Variants in PISD observed in about 807,000 individuals in gnomAD.
PISD encodes the protein phosphatidylserine decarboxylase, also known as phosphatidylserine decarboxylase proenzyme, mitochondrial.
PISD carries 31 observed loss-of-function variants against 43.5 expected under a neutral mutation model. The observed-to-expected ratio is 0.71, with a 90% CI of 0.54 to 0.96. PISD has a LOEUF of 0.96. Ranked by LOEUF, PISD falls within the 40% of genes least tolerant of loss-of-function variation. The probability of loss-of-function intolerance (pLI) is 0.00; values close to 1 mark genes in which losing one functional copy is unlikely to be tolerated. For missense variants in PISD, 523 were observed against 548.4 expected (o/e 0.95, Z 0.46); for synonymous variants, 259 against 228.7 (o/e 1.13, Z -1.20).
chr22:31,649,016 T>C (rs947105411), intron 2 of PISD, among the ~76,000 whole-genome samples: 1 of 152,050 alleles, frequency 6.6e-6, no homozygotes, highest in African/African-American at 2.4e-5. Context: ...GCACTGGTAT[T>C]CTCTCTCAAA....
Position 31,634,751 on chromosome 22 carries a change from T to C in PISD, c.322-12866A>G, listed in dbSNP as rs1870284358. The stretch of plus-strand genomic sequence containing the variant: ...TACTCGGGAGGCTGAGGTGGGAGAA[T>C]CGCTTGAACCTAGGAAGCAGAGGTT... On this transcript the variant is annotated intron_variant, in intron 3 of 7. Transcript: ENST00000439502. Among the ~76,000 whole-genome samples, 6 of 141,166 alleles carry C rather than the reference T, an allele frequency of 4.3e-5. No individual in the cohort carries two copies. In the South Asian group the frequency reaches 1.3e-3, roughly 31 times the overall value. The allele number at this position is 141,166 out of a possible 152,430, so 92.6% of individuals were successfully genotyped here. A position where few individuals can be genotyped will look rare whatever the true frequency, so the allele number is the denominator to read the frequency against.
At chr22:31,621,922 C>G (rs200830751) in intron 3 of PISD, 37 bp from the exon 4 acceptor site, 6 of 1,480,594 alleles carry the variant, frequency 4.1e-6, no homozygotes, top group Non-Finnish European at 5.6e-6. Flanking sequence ...GTTGACCACA[C>G]TGCCCCAGCT....
At position 31,662,135 on chromosome 22, in the gene PISD, C is replaced by A; in HGVS notation, c.65+9G>T. 1 of 1,607,212 alleles carries A rather than the reference C, an allele frequency of 6.2e-7. No individual in the cohort carries two copies. The highest frequency in any genetic ancestry group is 8.5e-7 in the Non-Finnish European group (1 of 1,179,222). ...CACGCCCCAAGGTAGTCTCTCCGCGCTGCTATACCTGCTCCGCCACGGCGC... is the reference window on the plus strand; with the variant it reads ...CACGCCCCAAGGTAGTCTCTCCGCGATGCTATACCTGCTCCGCCACGGCGC... On this transcript the variant is annotated intron_variant, in intron 1 of 7. Transcript: ENST00000439502.
At chr22:31,624,504 TACC>T (rs2072767479) in intron 3 of PISD, among the ~76,000 whole-genome samples, 1 of 152,002 alleles carries the variant, frequency 6.6e-6, no homozygotes, top group Non-Finnish European at 1.5e-5. Context: ...ACACTCCGCC[TACC>T]ACCACCACAC....
intron 3 of PISD, among the ~76,000 whole-genome samples, chr22:31,645,666 C>T (rs561200490): frequency 6.7e-6 from 1 of 148,564 alleles, no homozygotes; most frequent in Non-Finnish European, 1.5e-5. Context: ...ACATGAGCCA[C>T]CGCGCCCGGC....
chr22:31,623,532 G>T, intron 3 of PISD: 1 of 782,974 alleles, frequency 1.3e-6, no homozygotes, highest in Non-Finnish European at 2.0e-6. Flanking sequence ...CCTTGGCCTT[G>T]CCCACCAATG....
chr22:31,651,428 G>A (rs2074025446), intron 1 of PISD, among the ~76,000 whole-genome samples: 1 of 152,162 alleles, frequency 6.6e-6, no homozygotes, highest in South Asian at 2.1e-4. Context: ...AAGGTATTTG[G>A]GAATTCTATG....
At chr22:31,621,538 C>T (rs759855426) in intron 4 of PISD, 66 bp from the exon 5 acceptor site, 21 of 1,604,924 alleles carry the variant, frequency 1.3e-5, no homozygotes, top group Non-Finnish European at 1.8e-5. Context: ...AGACAGCCCC[C>T]ACCTCCCCTT....
intron 3 of PISD, among the ~76,000 whole-genome samples, chr22:31,644,181 T>C (rs1351960318): frequency 1.3e-5 from 2 of 152,064 alleles, no homozygotes; most frequent in Non-Finnish European, 2.9e-5. Flanking sequence ...ACACAGATCT[T>C]GCACCTAGCC....
chr22:31,634,856 T>A (rs868399982), intron 3 of PISD, among the ~76,000 whole-genome samples: 2,245 of 82,562 alleles, frequency 0.027, 8 homozygotes, highest in Middle Eastern at 0.07. Context: ...AAAAAAAAAA[T>A]AGAAAAAGAA....
chr22:31,660,526 C>T (rs749631779), intron 1 of PISD, among the ~76,000 whole-genome samples: 3 of 151,962 alleles, frequency 2.0e-5, no homozygotes, highest in Non-Finnish European at 4.4e-5. Context: ...GGCGGGGTGG[C>T]GTGCACCTGT....
intron 1 of PISD, among the ~76,000 whole-genome samples, chr22:31,658,755 A>G (rs776997292): frequency 7.9e-5 from 12 of 151,398 alleles, no homozygotes; most frequent in Non-Finnish European, 1.6e-4. Flanking sequence ...TTGGTCTCGA[A>G]CTCTTGGGCT....
chr22:31,629,334 G>A, intron 3 of PISD: 1 of 435,044 alleles, frequency 2.3e-6, no homozygotes, highest in East Asian at 1.6e-4. Context: ...GTGCGAGGAT[G>A]TGTGGGGTGT....
Position 31,619,349 on chromosome 22 carries a change from G to GTGAC in PISD, c.*259_*262dup. 1.9e-6 allele frequency: 1 copy of GTGAC among 532,230 alleles called. No homozygotes were observed. Among genetic ancestry groups the GTGAC allele is most frequent in the Non-Finnish European group, 3.5e-6 (1 of 285,568 alleles). The allele number at this position is 532,230 out of a possible 1,614,324, so 33.0% of individuals were successfully genotyped here. Reference sequence around the variant, plus strand: ...ATACAGTGTTTAAAAAGATCCAAATGTGACTGAGATCATTCCAGCCTGCAC... The same window carrying GTGAC: ...ATACAGTGTTTAAAAAGATCCAAATGTGACTGACTGAGATCATTCCAGCCTGCAC... On this transcript the variant is annotated 3_prime_UTR_variant, in exon 8 of 8. Transcript: ENST00000439502.
At chr22:31,662,415 A>T, upstream of PISD, 1 of 578,810 alleles carries the variant, frequency 1.7e-6, no homozygotes, top group East Asian at 2.9e-5. Context: ...GTTTCGCTAA[A>T]CCTGGGCTTG....
chr22:31,625,405 T>G (rs1429353971), intron 3 of PISD, among the ~76,000 whole-genome samples: 1 of 152,098 alleles, frequency 6.6e-6, no homozygotes, highest in Non-Finnish European at 1.5e-5. Flanking sequence ...ACCCCTCCCA[T>G]GGGCAGGAAG....
intron 3 of PISD, among the ~76,000 whole-genome samples, chr22:31,639,242 G>C (rs2147747994): frequency 6.6e-6 from 1 of 151,718 alleles, no homozygotes; most frequent in Non-Finnish European, 1.5e-5. Flanking sequence ...CGCAGTCTCG[G>C]CTCACTGCAA....
In PISD at chr22:31,623,828, G is replaced by A. The variant is rs1024845437; in HGVS notation, c.322-1943C>T. On this transcript the variant is annotated intron_variant, in intron 3 of 7. Coordinates refer to ENST00000439502, the MANE Select transcript of PISD (RefSeq NM_001326411.2). ...TCAGCTGCCCCAGCCTCCGCCTCAG[G>A]GCCAGCTGGGGGAAGTGCAACCTGC... 5 of 1,613,572 alleles carry A rather than the reference G, an allele frequency of 3.1e-6. No homozygotes were observed. The African/African-American group carries it at 6.7e-5, about 22-fold the overall frequency.
intron 3 of PISD, chr22:31,626,427 C>T (rs1425043480): frequency 6.6e-6 from 1 of 152,578 alleles, no homozygotes; most frequent in African/African-American, 2.4e-5. Flanking sequence ...TACAAAGTAG[C>T]ATCTGAGGAA....
Sources: gnomAD v4.1 joint callset for allele counts (sites outside exome capture counted in the v4.1 genomes callset) on GRCh38, gnomAD v4.1.1 for gene constraint, MANE v1.5 for transcripts, NCBI Gene and HGNC (gene_info 2026-07-23, HGNC 2026-07-21) for gene names.